TENM3: variants seen among roughly 807,000 people sequenced by gnomAD.
TENM3 encodes the protein teneurin-3.
Under a neutral mutation model 255.1 loss-of-function variants are expected in TENM3, and 63 were observed. The ratio of observed to expected loss-of-function variants is 0.25; its 90% CI spans 0.20 to 0.30. The LOEUF (loss-of-function observed/expected upper bound fraction) is 0.30. Among genes scored for constraint, TENM3 ranks in the 10% least tolerant of loss-of-function variants. TENM3 has a pLI of 1.00. For synonymous variants in TENM3, 1,306 were observed against 1,322.3 expected (o/e 0.99, Z 0.27); for missense variants, 2,929 against 3,461.1 (o/e 0.85, Z 3.86).
At chr4:181,582,969 G>C in the TENM3 span, among the ~76,000 whole-genome samples, 192 of 152,258 alleles carry the variant, frequency 1.3e-3, 2 homozygotes, top group Non-Finnish European at 1.4e-3. Context: ...ACATTATTAT[G>C]CATGTAGCAT....
intron 3 of TENM3, among the ~76,000 whole-genome samples, chr4:182,520,748 G>A (rs1439989445): frequency 6.6e-6 from 1 of 152,158 alleles, no homozygotes; most frequent in Non-Finnish European, 1.5e-5. Flanking sequence ...ATCTTCTAGA[G>A]AGTTTGTGAT....
At chr4:182,053,215 C>T in the TENM3 span, among the ~76,000 whole-genome samples, 1 of 152,112 alleles carries the variant, frequency 6.6e-6, no homozygotes, top group African/African-American at 2.4e-5. Flanking sequence ...ATGGTTCACA[C>T]TGTATAGGAA....
At chr4:182,076,200 CCTT>C in the TENM3 span, among the ~76,000 whole-genome samples, 1 of 132,636 alleles carries the variant, frequency 7.5e-6, no homozygotes, top group Admixed American at 8.0e-5. Context: ...GCCTCTTTCT[CCTT>C]CTTCTTCTTC....
At chr4:181,476,212 T>G in the TENM3 span, among the ~76,000 whole-genome samples, 2 of 147,878 alleles carry the variant, frequency 1.4e-5, no homozygotes, top group South Asian at 2.1e-4. Flanking sequence ...AGGGGTTTTT[T>G]TTTTTTTTTT....
chr4:182,451,055 A>AT (rs1177958056), intron 3 of TENM3, among the ~76,000 whole-genome samples: 4 of 152,162 alleles, frequency 2.6e-5, no homozygotes, highest in Non-Finnish European at 5.9e-5. Flanking sequence ...GTAGCCCTGC[A>AT]TTTTACCTTG....
At chr4:182,323,568 G>T (rs937721203) in intron 1 of TENM3, among the ~76,000 whole-genome samples, 2 of 152,096 alleles carry the variant, frequency 1.3e-5, no homozygotes, top group Non-Finnish European at 2.9e-5. Flanking sequence ...TTTGAATGGA[G>T]AAATGCTATA....
the TENM3 span, among the ~76,000 whole-genome samples, chr4:181,561,511 C>G: frequency 6.6e-6 from 1 of 152,124 alleles, no homozygotes; most frequent in East Asian, 1.9e-4. Context: ...ATTTCACCAG[C>G]AGGATAATCA....
intron 12 of TENM3, among the ~76,000 whole-genome samples, chr4:182,689,974 G>A (rs560903228): frequency 6.6e-6 from 1 of 152,310 alleles, no homozygotes; most frequent in East Asian, 1.9e-4. Context: ...CTGACTTAGA[G>A]TCTAAGATTT....
intron 12 of TENM3, among the ~76,000 whole-genome samples, chr4:182,701,210 C>CTTTTTTTATTTTTTT (rs1757834754): frequency 2.6e-5 from 1 of 38,644 alleles, no homozygotes; most frequent in Non-Finnish European, 4.3e-5. Flanking sequence ...CAACTCTTGA[C>CTTTTTTTATTTTTTT]TTTTTTTTTT....
At chr4:182,724,672 C>T (rs1760024136) in intron 13 of TENM3, among the ~76,000 whole-genome samples, 1 of 152,190 alleles carries the variant, frequency 6.6e-6, no homozygotes, top group African/African-American at 2.4e-5. Context: ...TAAATTTGAG[C>T]ATTCCTCTTT....
chr4:181,541,212 A>C, the TENM3 span, among the ~76,000 whole-genome samples: 50 of 152,014 alleles, frequency 3.3e-4, no homozygotes, highest in Middle Eastern at 3.4e-3. Flanking sequence ...TCTCTCTACA[A>C]AAAATAAAAA....
chr4:182,688,210 G>A lies in TENM3; in HGVS notation c.2080G>A (p.Gly694Arg), dbSNP rs745519465. 1.9e-6 allele frequency: 3 copies of A among 1,613,832 alleles called. No individual in the cohort carries two copies. In the Admixed American group the frequency reaches 5.0e-5, roughly 27 times the overall value. Residue 694 changes from glycine (G) to arginine (R), a missense_variant, in exon 12 of 28, where the codon GGG (glycine) becomes AGG (arginine). Gly to Arg is a moderately radical substitution (Grantham distance 125). Transcript: ENST00000511685. The part of the protein sequence containing the change: ...DCGSHGVCMG[G>R]TCRCEEGWTG... ...TGGCTCACACGGCGTTTGCATGGGG[G>A]GGACGTGTCGCTGTGAAGAAGGCTG...
chr4:182,792,132 C>T lies in TENM3; in HGVS notation c.5602-142C>T. The T allele has an allele frequency of 1.2e-6, 1 of 817,590 alleles. No individual in the cohort carries two copies. The highest frequency in any genetic ancestry group is 1.9e-5 in the South Asian group (1 of 51,630). 50.6% of individuals were successfully genotyped at this position (817,590 alleles called of 1,614,324 possible). On this transcript the variant is annotated intron_variant, in intron 25 of 27. Transcript: ENST00000511685. The surrounding 1 kb of genome is among the most constrained non-coding windows in gnomAD (Gnocchi z 6.3). Reference sequence around the variant, plus strand: ...AGCAAATTAGGCAGAGAAACGTTAACAACACGCAAGGTCAAGGATAACTCA... The same window carrying T: ...AGCAAATTAGGCAGAGAAACGTTAATAACACGCAAGGTCAAGGATAACTCA...
At chr4:182,771,320 G>A (rs2152792138) in intron 22 of TENM3, among the ~76,000 whole-genome samples, 1 of 152,246 alleles carries the variant, frequency 6.6e-6, no homozygotes, top group Admixed American at 6.5e-5. Flanking sequence ...CTTGCAGGTG[G>A]TACAATCTAT....
At chr4:182,797,307 G>T (rs1489144071) in intron 27 of TENM3, among the ~76,000 whole-genome samples, 1 of 151,818 alleles carries the variant, frequency 6.6e-6, no homozygotes, top group Non-Finnish European at 1.5e-5. Flanking sequence ...GGCATGGTGG[G>T]GCATGCCTGT....
At chr4:181,879,239 G>T in the TENM3 span, among the ~76,000 whole-genome samples, 1 of 152,064 alleles carries the variant, frequency 6.6e-6, no homozygotes, top group African/African-American at 2.4e-5. Flanking sequence ...ATAATGAACT[G>T]CTGTTTTTGA....
chr4:181,823,549 C>T, the TENM3 span, among the ~76,000 whole-genome samples: 3 of 152,076 alleles, frequency 2.0e-5, no homozygotes, highest in Non-Finnish European at 4.4e-5. Context: ...GGAAAATAGT[C>T]ACTTAGATCT....
chr4:182,408,692 T>A (rs545343305), intron 3 of TENM3, among the ~76,000 whole-genome samples: 2 of 152,224 alleles, frequency 1.3e-5, no homozygotes, highest in Non-Finnish European at 2.9e-5. Context: ...TAAAGAGTCA[T>A]CCTTTATAGT....
intron 1 of TENM3, among the ~76,000 whole-genome samples, chr4:182,321,627 AAAT>A (rs569349214): frequency 3.3e-5 from 5 of 150,034 alleles, no homozygotes; most frequent in East Asian, 2.0e-4. Flanking sequence ...CTCTGTCTCA[AAAT>A]AATAATAATA....
Sources: allele counts gnomAD v4.1 joint callset (sites outside exome capture counted in the v4.1 genomes callset), GRCh38; gene constraint gnomAD v4.1.1; non-coding constraint Gnocchi (gnomAD v3.1); transcripts MANE v1.5; gene names NCBI Gene and HGNC (gene_info 2026-07-23, HGNC 2026-07-21).